Variants in TMEM266 observed in about 807,000 individuals in gnomAD.
TMEM266 encodes the protein transmembrane protein 266.
In TMEM266, 33 loss-of-function variants were observed where a neutral mutation model predicts 50.5. That is an observed-to-expected ratio of 0.65 (90% confidence interval 0.50 to 0.87). The LOEUF (loss-of-function observed/expected upper bound fraction) is 0.87, where lower values mean the gene tolerates loss of function less well. TMEM266 is among the 40% of genes least tolerant of loss of function. The pLI is 0.00. For missense variants in TMEM266, 655 were observed against 695.1 expected (o/e 0.94, Z 0.65); for synonymous variants, 310 against 292.3 (o/e 1.06, Z -0.62).
intron 1 of TMEM266, among the ~76,000 whole-genome samples, chr15:76,088,249 A>G (rs2141996192): frequency 6.6e-6 from 1 of 152,336 alleles, no homozygotes; most frequent in South Asian, 2.1e-4. Context: ...GCCATAGAGG[A>G]AGATGAAAAT....
chr15:76,062,457 A>G (rs1175737895), intron 1 of TMEM266, among the ~76,000 whole-genome samples: 2 of 152,222 alleles, frequency 1.3e-5, no homozygotes, highest in Admixed American at 1.3e-4. Context: ...GGAGGAGCAC[A>G]TTCCCTGGTG....
chr15:76,089,717 C>T (rs938377639), intron 1 of TMEM266, among the ~76,000 whole-genome samples: 7 of 151,942 alleles, frequency 4.6e-5, no homozygotes, highest in Non-Finnish European at 1.0e-4. Flanking sequence ...AAGGATGTAC[C>T]GACAGGAGAG....
intron 5 of TMEM266, among the ~76,000 whole-genome samples, chr15:76,162,724 C>G (rs1042978880): frequency 6.6e-6 from 1 of 152,184 alleles, no homozygotes; most frequent in Non-Finnish European, 1.5e-5. Flanking sequence ...GCAGGGTGGG[C>G]AGGGACCAGG....
chr15:76,178,675 C>T (rs996677195), intron 8 of TMEM266: 2 of 152,250 alleles, frequency 1.3e-5, no homozygotes, highest in African/African-American at 4.8e-5. Flanking sequence ...GTTCAAGTCA[C>T]CTCCACATGT....
chr15:76,077,963 C>T (rs566817771), intron 1 of TMEM266, among the ~76,000 whole-genome samples: 72 of 152,106 alleles, frequency 4.7e-4, no homozygotes, highest in African/African-American at 1.6e-3. Flanking sequence ...ATACTTTAGC[C>T]AAGGTGACCT....
At chr15:76,063,871 G>A (rs947822518) in intron 1 of TMEM266, among the ~76,000 whole-genome samples, 5 of 152,208 alleles carry the variant, frequency 3.3e-5, no homozygotes, top group Non-Finnish European at 4.4e-5. Flanking sequence ...AGCTTTATGT[G>A]TTGTTTGGGG....
intron 1 of TMEM266, chr15:76,113,672 G>A (rs979668604): frequency 2.0e-5 from 3 of 152,452 alleles, no homozygotes; most frequent in African/African-American, 7.2e-5. Flanking sequence ...CACTTTGGGA[G>A]GCTGAGGTGA....
intron 1 of TMEM266, among the ~76,000 whole-genome samples, chr15:76,081,225 C>G (rs1258087906): frequency 6.6e-6 from 1 of 152,218 alleles, no homozygotes; most frequent in African/African-American, 2.4e-5. Flanking sequence ...TTCTCCCATG[C>G]TATTGACTAT....
At chr15:76,172,620 G>C (rs749242710) in intron 7 of TMEM266, among the ~76,000 whole-genome samples, 3 of 152,204 alleles carry the variant, frequency 2.0e-5, no homozygotes, top group African/African-American at 4.8e-5. Flanking sequence ...ACTGGAATGT[G>C]TTTGGGTCTC....
chr15:76,118,130 T>C (rs1271970476), intron 1 of TMEM266, among the ~76,000 whole-genome samples: 4 of 152,244 alleles, frequency 2.6e-5, no homozygotes, highest in Non-Finnish European at 5.9e-5. Flanking sequence ...ACAGCCTTTT[T>C]GATTTTGCGG....
intron 1 of TMEM266, among the ~76,000 whole-genome samples, chr15:76,122,111 C>T (rs541130332): frequency 6.6e-6 from 1 of 152,384 alleles, no homozygotes; most frequent in South Asian, 2.1e-4. Flanking sequence ...TAGCCTCTCT[C>T]ACACATGCCT....
intron 1 of TMEM266, among the ~76,000 whole-genome samples, chr15:76,072,558 T>G (rs1309192523): frequency 1.3e-5 from 2 of 151,998 alleles, no homozygotes; most frequent in Non-Finnish European, 2.9e-5. Flanking sequence ...TTCACTTTTC[T>G]GGGTCCTGGC....
At chr15:76,075,627 C>G (rs2036593686) in intron 1 of TMEM266, among the ~76,000 whole-genome samples, 1 of 151,990 alleles carries the variant, frequency 6.6e-6, no homozygotes, top group South Asian at 2.1e-4. Flanking sequence ...CAGACACTTT[C>G]TACATGCTTC....
chr15:76,079,782 A>AT, intron 1 of TMEM266, among the ~76,000 whole-genome samples: 1 of 151,622 alleles, frequency 6.6e-6, no homozygotes, highest in African/African-American at 2.4e-5. Context: ...AAAAAAAAAA[A>AT]AAAAAAAATC....
At chr15:76,076,483 T>G (rs2036609550) in intron 1 of TMEM266, among the ~76,000 whole-genome samples, 1 of 152,092 alleles carries the variant, frequency 6.6e-6, no homozygotes, top group East Asian at 1.9e-4. Flanking sequence ...CCCTTTACAT[T>G]CATAAACCAA....
intron 8 of TMEM266, among the ~76,000 whole-genome samples, chr15:76,181,723 A>G (rs1426074419): frequency 2.0e-5 from 3 of 152,186 alleles, no homozygotes; most frequent in Admixed American, 2.0e-4. Context: ...TGGCTGCTTC[A>G]GAAACCAAAG....
At position 76,203,918 on chromosome 15, in the gene TMEM266, ACAG is replaced by A; in HGVS notation, c.1204_1206del (p.Ser402del). On this transcript the variant is annotated inframe_deletion, in exon 11 of 11. Transcript: ENST00000388942. ...AGCTCAGTCACCCGGGCCCAGAGTG[ACAG>A]CAGCCAGACGCTGGGCTCCTCCATG... 1 of 1,614,084 alleles carries A rather than the reference ACAG, an allele frequency of 6.2e-7. No individual in the cohort carries two copies. Among genetic ancestry groups the A allele is most frequent in the Non-Finnish European group, 8.5e-7 (1 of 1,180,024 alleles).
chr15:76,165,267 A>G (rs1297266055), intron 5 of TMEM266, among the ~76,000 whole-genome samples: 1 of 152,166 alleles, frequency 6.6e-6, no homozygotes. Context: ...GCAGGGCTTG[A>G]CCAGGAGCAG....
intron 1 of TMEM266, chr15:76,109,211 A>C (rs2037130673): frequency 6.6e-6 from 1 of 152,388 alleles, no homozygotes; most frequent in Non-Finnish European, 1.5e-5. Flanking sequence ...AACAGAATGC[A>C]GGAGTTGGCA....
Sources: gnomAD v4.1 joint callset for allele counts (sites outside exome capture counted in the v4.1 genomes callset) on GRCh38, gnomAD v4.1.1 for gene constraint, MANE v1.5 for transcripts, NCBI Gene and HGNC (gene_info 2026-07-23, HGNC 2026-07-21) for gene names.